The following TM9SF4 variants were observed in gnomAD, a reference collection of about 807,000 sequenced individuals.
TM9SF4 encodes the protein dinucleotide oxidase disulfide thiol exchanger 3 superfamily member 4.
In TM9SF4, 26 loss-of-function variants were observed where a neutral mutation model predicts 90.4. The observed-to-expected ratio is 0.29, with a 90% CI of 0.21 to 0.40. The LOEUF is 0.40. Ranked by LOEUF, TM9SF4 falls within the 10% of genes least tolerant of loss-of-function variation. TM9SF4 has a pLI of 1.00. For synonymous variants in TM9SF4, 293 were observed against 315.4 expected (o/e 0.93, Z 0.75); for missense variants, 549 against 834.8 (o/e 0.66, Z 4.22).
chr20:32,148,110 CATAA>C (rs751827030), intron 9 of TM9SF4, among the ~76,000 whole-genome samples: 122 of 152,164 alleles, frequency 8.0e-4, no homozygotes, highest in Middle Eastern at 3.4e-3. Flanking sequence ...GACTCCGTCT[CATAA>C]ATAAATAAAT....
intron 3 of TM9SF4, among the ~76,000 whole-genome samples, chr20:32,141,216 C>CA (rs71185383): frequency 0.12 from 3,136 of 25,290 alleles, 297 homozygotes; most frequent in African/African-American, 0.23. Context: ...GACTCCATCT[C>CA]AAAAAAAAAA....
At chr20:32,165,262 T>G in intron 17 of TM9SF4, 33 bp from the exon 18 acceptor site, 1 of 1,613,380 alleles carries the variant, frequency 6.2e-7, no homozygotes, top group Non-Finnish European at 8.5e-7. Context: ...GCACTAAGCA[T>G]GCACCCTGTC....
chr20:32,118,022 C>CT (rs1332349457), intron 1 of TM9SF4, among the ~76,000 whole-genome samples: 1 of 152,170 alleles, frequency 6.6e-6, no homozygotes, highest in Non-Finnish European at 1.5e-5. Flanking sequence ...GAAGCAGGTA[C>CT]TTTGCTTTTT....
intron 12 of TM9SF4, among the ~76,000 whole-genome samples, chr20:32,152,725 A>G (rs1569098618): frequency 1.3e-5 from 2 of 151,840 alleles, no homozygotes; most frequent in Non-Finnish European, 2.9e-5. Context: ...CTTTCTTCTC[A>G]CCTGGCTGGT....
chr20:32,141,540 G>C lies in TM9SF4; in HGVS notation c.273G>C (p.Gln91His). 6.2e-7 allele frequency: 1 copy of C among 1,614,150 alleles called. No individual in the cohort carries two copies. Among genetic ancestry groups the C allele is most frequent in the Non-Finnish European group, 8.5e-7 (1 of 1,180,040 alleles). Residue 91 changes from glutamine (Q) to histidine (H), a missense_variant, in exon 4 of 18, where the codon CAG becomes CAC. By Grantham distance (24) the Gln-to-His change is conservative (BLOSUM62 0). Transcript: ENST00000398022. Reference protein sequence around the residue: ...RGDRIVNTPFQVLMNSEKKCE... With the variant: ...RGDRIVNTPFHVLMNSEKKCE... The stretch of plus-strand genomic sequence containing the variant: ...ACCGGATTGTCAACACCCCTTTCCA[G>C]GTTCTCATGAACAGCGAGAAGAAGT...
intron 6 of TM9SF4, 79 bp downstream of exon 6, chr20:32,143,184 C>A: frequency 6.5e-7 from 1 of 1,542,114 alleles, no homozygotes; most frequent in Non-Finnish European, 8.8e-7. Flanking sequence ...CACTCTTCTC[C>A]CTCCTGAGCT....
intron 1 of TM9SF4, among the ~76,000 whole-genome samples, chr20:32,118,601 G>T (rs984929943): frequency 6.8e-6 from 1 of 146,190 alleles, no homozygotes; most frequent in Non-Finnish European, 1.5e-5. Flanking sequence ...TTATTTTGTT[G>T]TATTTATTTA....
At position 32,149,732 on chromosome 20, in the gene TM9SF4, C is replaced by G. The variant is rs555158208; in HGVS notation, c.1053C>G (p.Gly351=). The part of the protein sequence containing the change: ...PMILSSLLGS[G]IQLFCMILIV... ...TCCTCAGCTCCCTGCTGGGCTCAGG[C>G]ATTCAGCTGTTCTGTATGATCCTCA... is the stretch of plus-strand genomic sequence containing the variant. Residue 351 remains glycine, a synonymous_variant, in exon 10 of 18, where the codon GGC becomes GGG. Coordinates refer to ENST00000398022, the MANE Select transcript of TM9SF4 (RefSeq NM_014742.4). 1 of 1,614,202 alleles carries G rather than the reference C, an allele frequency of 6.2e-7. No individual in the cohort carries two copies. The highest frequency in any genetic ancestry group is 2.2e-5 in the East Asian group (1 of 44,888).
chr20:32,165,687 C>G lies in TM9SF4; in HGVS notation c.*243C>G. ...TTTGTGGGTTGCTTTTTCTTCAGTG[C>G]TAAGAAAGTTCCCTCCAACAGGAAC... On this transcript the variant is annotated 3_prime_UTR_variant, in exon 18 of 18. Transcript: ENST00000398022. 2.0e-6 allele frequency: 1 copy of G among 509,352 alleles called. No individual in the cohort carries two copies. The allele number at this position is 509,352 out of a possible 1,614,324, so 31.6% of individuals were successfully genotyped here.
intron 5 of TM9SF4, 128 bp downstream of exon 5, chr20:32,142,023 G>T: frequency 6.8e-7 from 1 of 1,473,672 alleles, no homozygotes; most frequent in Non-Finnish European, 9.2e-7. Flanking sequence ...ATGATGGTCT[G>T]TCAGAGGTCC....
intron 13 of TM9SF4, among the ~76,000 whole-genome samples, chr20:32,157,254 T>A (rs935688235): frequency 4.6e-5 from 7 of 152,068 alleles, no homozygotes; most frequent in African/African-American, 1.7e-4. Flanking sequence ...CTCCCGGCCT[T>A]CCTGAACATT....
intron 6 of TM9SF4, among the ~76,000 whole-genome samples, chr20:32,144,090 C>T (rs553977030): frequency 6.6e-6 from 1 of 152,150 alleles, no homozygotes; most frequent in Non-Finnish European, 1.5e-5. Context: ...GGATTATAGG[C>T]GCCCACTACC....
intron 1 of TM9SF4, among the ~76,000 whole-genome samples, chr20:32,117,761 G>T (rs1006342677): frequency 6.6e-6 from 1 of 152,004 alleles, no homozygotes; most frequent in Non-Finnish European, 1.5e-5. Context: ...AGCACAAAAG[G>T]CTTCTAGATT....
At chr20:32,141,981 G>T in intron 5 of TM9SF4, 86 bp downstream of exon 5, 1 of 1,578,082 alleles carries the variant, frequency 6.3e-7, no homozygotes, top group Non-Finnish European at 8.6e-7. Context: ...GGTGGGGCTC[G>T]GCCACAGCAA....
intron 1 of TM9SF4, among the ~76,000 whole-genome samples, chr20:32,112,082 G>A (rs1426662849): frequency 2.0e-5 from 3 of 152,176 alleles, no homozygotes; most frequent in Non-Finnish European, 4.4e-5. Flanking sequence ...GCTGTGGAAA[G>A]GAGTTTGGAT....
At chr20:32,158,631 G>A (rs982027056) in intron 15 of TM9SF4, 117 bp downstream of exon 15, 5 of 992,860 alleles carry the variant, frequency 5.0e-6, no homozygotes, top group South Asian at 4.2e-5. Flanking sequence ...TTCACCTCTC[G>A]GAGCCCCATT....
At chr20:32,130,864 A>T (rs552722159) in intron 1 of TM9SF4, among the ~76,000 whole-genome samples, 1 of 152,308 alleles carries the variant, frequency 6.6e-6, no homozygotes, top group South Asian at 2.1e-4. Context: ...AAAAATGTTC[A>T]CGCTAGTTGC....
Position 32,166,479 on chromosome 20 carries a change from C to T in TM9SF4, c.*1035C>T, listed in dbSNP as rs1053277603. 5.9e-5 allele frequency: 9 copies of T among 152,390 alleles called. No homozygotes were observed. Among genetic ancestry groups the T allele is most frequent in the African/African-American group, 2.2e-4 (9 of 41,468 alleles). The allele number at this position is 152,390 out of a possible 1,614,324, so 9.4% of individuals were successfully genotyped here. On this transcript the variant is annotated 3_prime_UTR_variant, in exon 18 of 18. Transcript: ENST00000398022. ...CTGTAAGTGGCCAGGCATTCTCTCCCTGCCCTCTCTGGCCTCTGGGGTCAT... is the reference window on the plus strand; with the variant it reads ...CTGTAAGTGGCCAGGCATTCTCTCCTTGCCCTCTCTGGCCTCTGGGGTCAT...
chr20:32,162,188 G>A (rs1019703554), intron 17 of TM9SF4, among the ~76,000 whole-genome samples: 2 of 152,200 alleles, frequency 1.3e-5, no homozygotes, highest in African/African-American at 4.8e-5. Flanking sequence ...TGTACTTTGG[G>A]TCTCCAGAGC....
Sources: gnomAD v4.1 joint callset for allele counts (sites outside exome capture counted in the v4.1 genomes callset) on GRCh38, gnomAD v4.1.1 for gene constraint, MANE v1.5 for transcripts, NCBI Gene and HGNC (gene_info 2026-07-23, HGNC 2026-07-21) for gene names.